Variants in BMP10 observed in about 807,000 individuals in gnomAD.
BMP10 encodes the protein bone morphogenetic protein 10.
A neutral mutation model predicts 29.9 loss-of-function variants in BMP10; 9 were observed. The ratio of observed to expected loss-of-function variants is 0.30; its 90% confidence interval spans 0.18 to 0.53. The LOEUF (loss-of-function observed/expected upper bound fraction) is 0.53. Ranked by LOEUF, BMP10 falls within the 20% of genes least tolerant of loss-of-function variation. The pLI, the probability that BMP10 is intolerant of heterozygous loss-of-function variation, is 0.96. For synonymous variants in BMP10, 202 were observed against 200.2 expected (o/e 1.01, Z -0.07); for missense variants, 474 against 524.3 (o/e 0.90, Z 0.94).
At position 68,863,059 on chromosome 2, in the gene BMP10, G is replaced by A. The variant is rs886458760; in HGVS notation, c.*2572C>T. On this transcript the variant is annotated 3_prime_UTR_variant, in exon 2 of 2. Transcript: ENST00000295379. ...GCGCACACAGTGGAAAGCAGGGCTG[G>A]CACATCCTTAACATTCTAGTATCAG... Among the ~76,000 whole-genome samples, 4 of 152,212 alleles carry A rather than the reference G, an allele frequency of 2.6e-5. No individual in the cohort carries two copies. Among genetic ancestry groups the A allele is most frequent in the South Asian group, 2.1e-4 (1 of 4,834 alleles).
intron 1 of BMP10, among the ~76,000 whole-genome samples, chr2:68,869,311 C>T: frequency 6.6e-6 from 1 of 152,166 alleles, no homozygotes; most frequent in East Asian, 1.9e-4. Flanking sequence ...TGGTCTTTCT[C>T]TCCTAGGGAG....
Position 68,871,344 on chromosome 2 carries a change from G to A in BMP10, c.15C>T (p.Val5=), listed in dbSNP as rs761072629. 7 of 1,613,722 alleles carry A rather than the reference G, an allele frequency of 4.3e-6. No homozygotes were observed. The Admixed American group carries it at 1.0e-4, about 23-fold the overall frequency. MGSL[V]LTLCALFCLA... ...GGCAGAAAAGAGCGCACAGTGTCAG[G>A]ACCAGAGAGCCCATGACTCCGCTCG... is the stretch of plus-strand genomic sequence containing the variant. Residue 5 remains valine (V), a synonymous_variant, in exon 1 of 2, where the codon GTC becomes GTT. Transcript: ENST00000295379.
At position 68,864,419 on chromosome 2, in the gene BMP10, G is replaced by A. The variant is rs1286013836; in HGVS notation, c.*1212C>T. Among the ~76,000 whole-genome samples, 1 of 152,038 alleles carries A rather than the reference G, an allele frequency of 6.6e-6. No homozygotes were observed. Among genetic ancestry groups the A allele is most frequent in the Non-Finnish European group, 1.5e-5 (1 of 67,996 alleles). On this transcript the variant is annotated 3_prime_UTR_variant, in exon 2 of 2. Transcript: ENST00000295379. The stretch of plus-strand genomic sequence containing the variant: ...AAATAAAATCAAATTAAATATCACG[G>A]GAAGATTTAGAAATTAGAACACTAA...
chr2:68,861,283 C>T lies in BMP10; in HGVS notation c.*4348G>A, dbSNP rs569052368. ...TGTCCATGAATGCTCAGTAGGCGGGCGCTGGCACATTGGCCGCCCCACCAC... is the reference window on the plus strand; with the variant it reads ...TGTCCATGAATGCTCAGTAGGCGGGTGCTGGCACATTGGCCGCCCCACCAC... On this transcript the variant is annotated 3_prime_UTR_variant, in exon 2 of 2. Coordinates refer to ENST00000295379, the MANE Select transcript of BMP10 (RefSeq NM_014482.3). 2.8e-4 allele frequency among the ~76,000 whole-genome samples: 42 copies of T among 152,296 alleles called. No individual in the cohort carries two copies. Among genetic ancestry groups the T allele is most frequent in the African/African-American group, 9.1e-4 (38 of 41,554 alleles).
intron 1 of BMP10, 91 bp from the exon 2 acceptor site, chr2:68,866,662 AC>A: frequency 1.1e-6 from 1 of 937,040 alleles, no homozygotes; most frequent in Non-Finnish European, 1.6e-6. Context: ...CTTCCCATGC[AC>A]AAAGCTTAAT....
chr2:68,870,994 T>A, intron 1 of BMP10, 31 bp downstream of exon 1: 1 of 1,585,504 alleles, frequency 6.3e-7, no homozygotes, highest in South Asian at 1.1e-5. Context: ...TTGAAAAAAA[T>A]CCTAGCAAAA....
chr2:68,867,116 A>G (rs1316527660), intron 1 of BMP10, among the ~76,000 whole-genome samples: 2 of 152,200 alleles, frequency 1.3e-5, no homozygotes, highest in Non-Finnish European at 2.9e-5. Context: ...ATGGGCCAAT[A>G]TGGGCCTGCT....
chr2:68,866,251 G>T lies in BMP10; in HGVS notation c.655C>A (p.Gln219Lys), dbSNP rs1160516587. Residue 219 changes from glutamine (Q) to lysine (K), a missense_variant, in exon 2 of 2, where the codon CAG becomes AAG. Physicochemically the swap from Gln to Lys is moderately conservative, Grantham distance 53. Transcript: ENST00000295379. ...TTGCTCTCAATGTGGACCTCCAGCTGGTGGGTGGATGAGCCTGACTTTTGC... is the reference window on the plus strand; with the variant it reads ...TTGCTCTCAATGTGGACCTCCAGCTTGTGGGTGGATGAGCCTGACTTTTGC... ...RWQKSGSSTHQLEVHIESKHD... is the reference protein window; with the variant it reads ...RWQKSGSSTHKLEVHIESKHD... 1.2e-6 allele frequency: 2 copies of T among 1,613,886 alleles called. No homozygotes were observed. Among genetic ancestry groups the T allele is most frequent in the African/African-American group, 2.7e-5 (2 of 74,868 alleles).
Position 68,866,419 on chromosome 2 carries a change from G to T in BMP10, c.487C>A (p.Arg163=). ...AGCACTTCAAAAATGGTAATTTTCC[G>T]GTCTACTCCATCGTATATCATACGA... The part of the protein sequence containing the change: ...RDRMIYDGVD[R]KITIFEVLES... The change falls in exon 2 of 2, where the codon CGG becomes AGG. Residue 163 remains arginine, a synonymous_variant. Coordinates refer to ENST00000295379, the MANE Select transcript of BMP10 (RefSeq NM_014482.3). The T allele has an allele frequency of 6.2e-7, 1 of 1,613,606 alleles. No homozygotes were observed. Among genetic ancestry groups the T allele is most frequent in the South Asian group, 1.1e-5 (1 of 91,034 alleles).
chr2:68,870,019 C>T (rs905711654), intron 1 of BMP10, among the ~76,000 whole-genome samples: 4 of 152,110 alleles, frequency 2.6e-5, no homozygotes, highest in African/African-American at 9.7e-5. Flanking sequence ...TTATTCACAA[C>T]CACTAAGCCA....
chr2:68,867,483 T>C (rs1433538098), intron 1 of BMP10, among the ~76,000 whole-genome samples: 1 of 152,218 alleles, frequency 6.6e-6, no homozygotes, highest in Non-Finnish European at 1.5e-5. Context: ...GGGCGTGACA[T>C]GTATAACTCA....
In BMP10 at chr2:68,862,946, G is replaced by C. The variant is rs1022568074; in HGVS notation, c.*2685C>G. Among the ~76,000 whole-genome samples, 1 of 152,144 alleles carries C rather than the reference G, an allele frequency of 6.6e-6. No individual in the cohort carries two copies. The highest frequency in any genetic ancestry group is 1.9e-4 in the East Asian group (1 of 5,194). On this transcript the variant is annotated 3_prime_UTR_variant, in exon 2 of 2. Coordinates refer to ENST00000295379, the MANE Select transcript of BMP10 (RefSeq NM_014482.3). ...AACAACTGGGCTATGCAGCCTGATC[G>C]CCAACAGCCTATATTTTCATATCTC...
rs1682929313 is a variant in BMP10, at chr2:68,865,329, G to C, written c.*302C>G. Among the ~76,000 whole-genome samples, 1 of 152,156 alleles carries C rather than the reference G, an allele frequency of 6.6e-6. No individual in the cohort carries two copies. The highest frequency in any genetic ancestry group is 1.5e-5 in the Non-Finnish European group (1 of 68,038). ...GCATAGAACCAAAAGATTTTTGTAA[G>C]TTCATGTATGTACAAATATACATAC... On this transcript the variant is annotated 3_prime_UTR_variant, in exon 2 of 2. Coordinates refer to ENST00000295379, the MANE Select transcript of BMP10 (RefSeq NM_014482.3). The surrounding 1 kb of genome is among the most constrained non-coding windows in gnomAD (Gnocchi z 4.7).
chr2:68,867,217 GT>G lies in BMP10; in HGVS notation c.335-647del, dbSNP rs1223637373. Among the ~76,000 whole-genome samples, 13 of 152,330 alleles carry G rather than the reference GT, an allele frequency of 8.5e-5. 1 individual carries two copies. In the Middle Eastern group the frequency reaches 0.024, roughly 279 times the overall value. On this transcript the variant is annotated intron_variant, in intron 1 of 1. Coordinates refer to ENST00000295379, the MANE Select transcript of BMP10 (RefSeq NM_014482.3). ...GCTACTTTTGCACTATAATGGCAGAGTTAAATAGATACAACAAAGAACATAT... is the reference window on the plus strand; with the variant it reads ...GCTACTTTTGCACTATAATGGCAGAGTAAATAGATACAACAAAGAACATAT...
rs768406231 is a variant in BMP10, at chr2:68,865,983, T to G, written c.923A>C (p.Tyr308Ser). 2 of 1,614,058 alleles carry G rather than the reference T, an allele frequency of 1.2e-6. No homozygotes were observed. The highest frequency in any genetic ancestry group is 2.2e-5 in the South Asian group (2 of 91,082). The change falls in exon 2 of 2, where the codon TAT becomes TCT. Residue 308 changes from tyrosine to serine, a missense_variant. Physicochemically the swap from Tyr to Ser is moderately radical, Grantham distance 144. Transcript: ENST00000295379. The surrounding 1 kb of genome is among the most constrained non-coding windows in gnomAD (Gnocchi z 4.7). ...CCTTCTGATTCGGGCAGTGGAGTCA[T>G]AGATGATGTTTGATCTCATCTGCAA... Reference protein sequence around the residue: ...ALLQMRSNIIYDSTARIRRNA... With the variant: ...ALLQMRSNIISDSTARIRRNA...
rs1167286347 is a variant in BMP10 at position 68,863,924 on chromosome 2, G to A, written c.*1707C>T. Among the ~76,000 whole-genome samples, 2 of 152,144 alleles carry A rather than the reference G, an allele frequency of 1.3e-5. No homozygotes were observed. Among genetic ancestry groups the A allele is most frequent in the African/African-American group, 2.4e-5 (1 of 41,420 alleles). ...TGACGTACTGGAAACCACATTCCTG[G>A]TTCTAACAGGAACCATCCATGTTCC... On this transcript the variant is annotated 3_prime_UTR_variant, in exon 2 of 2. Transcript: ENST00000295379.
In BMP10 at chr2:68,865,468, T is replaced by C. The variant is rs147637852; in HGVS notation, c.*163A>G. 322 of 716,454 alleles carry C rather than the reference T, an allele frequency of 4.5e-4. No individual in the cohort carries two copies. In the Middle Eastern group the frequency reaches 7.7e-3, roughly 17 times the overall value. The allele number at this position is 716,454 out of a possible 1,614,324, so 44.4% of individuals were successfully genotyped here. ...AAAGAGAAAACAGATTGAAAGGGACTTAACTGGAGAGGAAAATATGCATTT... is the reference window on the plus strand; with the variant it reads ...AAAGAGAAAACAGATTGAAAGGGACCTAACTGGAGAGGAAAATATGCATTT... On this transcript the variant is annotated 3_prime_UTR_variant, in exon 2 of 2. Coordinates refer to ENST00000295379, the MANE Select transcript of BMP10 (RefSeq NM_014482.3). The surrounding 1 kb of genome is among the most constrained non-coding windows in gnomAD (Gnocchi z 4.7).
rs1222463315 is a variant in BMP10 at position 68,861,460 on chromosome 2, A to C, written c.*4171T>G. Reference sequence around the variant, plus strand: ...GTACTTCTCTTCCATAGTCACATCTACCTTCCATTTAATGTAGGAAATCAA... The same window carrying C: ...GTACTTCTCTTCCATAGTCACATCTCCCTTCCATTTAATGTAGGAAATCAA... On this transcript the variant is annotated 3_prime_UTR_variant, in exon 2 of 2. Transcript: ENST00000295379. Among the ~76,000 whole-genome samples, 1 of 152,226 alleles carries C rather than the reference A, an allele frequency of 6.6e-6. No homozygotes were observed. The highest frequency in any genetic ancestry group is 2.4e-5 in the African/African-American group (1 of 41,458).
At chr2:68,870,182 A>G (rs1242360537) in intron 1 of BMP10, among the ~76,000 whole-genome samples, 2 of 152,162 alleles carry the variant, frequency 1.3e-5, no homozygotes, top group African/African-American at 2.4e-5. Flanking sequence ...GTTCCTTTGG[A>G]CCTTCAGCTT....
Sources: allele counts gnomAD v4.1 joint callset (sites outside exome capture counted in the v4.1 genomes callset), GRCh38; gene constraint gnomAD v4.1.1; non-coding constraint Gnocchi (gnomAD v3.1); transcripts MANE v1.5; gene names NCBI Gene and HGNC (gene_info 2026-07-23, HGNC 2026-07-21).